Variants in ALDH6A1 observed in about 807,000 individuals in gnomAD.
The protein encoded by ALDH6A1 is aldehyde dehydrogenase 6 family member A1.
A neutral mutation model predicts 62.6 loss-of-function variants in ALDH6A1; 43 were observed. That is an observed-to-expected ratio of 0.69 (90% CI 0.54 to 0.89). The LOEUF (loss-of-function observed/expected upper bound fraction) is 0.89. Among genes scored for constraint, ALDH6A1 ranks in the 40% least tolerant of loss-of-function variants. The pLI, the probability that ALDH6A1 is intolerant of heterozygous loss-of-function variation, is 0.00. For synonymous variants in ALDH6A1, 194 were observed against 234.2 expected, an observed-to-expected ratio of 0.83 and a Z score of 1.57; for missense variants, 551 against 661.3, an observed-to-expected ratio of 0.83 and a Z score of 1.83.
At chr14:74,062,051 G>GGAA (rs1176468419) in intron 11 of ALDH6A1, among the ~76,000 whole-genome samples, 12 of 59,614 alleles carry the variant, frequency 2.0e-4, no homozygotes, top group South Asian at 2.0e-3. Context: ...TCTCTACTGG[G>GGAA]AAAAAAAAAA....
rs1246329558 is a variant in ALDH6A1 at position 74,084,341 on chromosome 14, A to C, written c.48+6T>G. Reference sequence around the variant, plus strand: ...TTCATGGTGCCTTGGCACCACCCTCACTCGCCTGCAGGATCCGGGCTCGCA... The same window carrying C: ...TTCATGGTGCCTTGGCACCACCCTCCCTCGCCTGCAGGATCCGGGCTCGCA... On this transcript the variant is annotated splice_donor_region_variant and intron_variant, in intron 1 of 11. Transcript: ENST00000553458. The C allele has an allele frequency of 6.2e-7, 1 of 1,613,572 alleles. No individual in the cohort carries two copies. Among genetic ancestry groups the C allele is most frequent in the Non-Finnish European group, 8.5e-7 (1 of 1,179,894 alleles).
rs1333285646 is a variant in ALDH6A1 at position 74,060,448 on chromosome 14, T to G, written c.*194A>C. On this transcript the variant is annotated 3_prime_UTR_variant, in exon 12 of 12. Transcript: ENST00000553458. ...TCAAAATAGAAGTATGAAGAGCAAG[T>G]GAGAAATCTGGTTTCATTGTTACAC... is the stretch of plus-strand genomic sequence containing the variant. 3.3e-6 allele frequency: 2 copies of G among 598,550 alleles called. No individual in the cohort carries two copies. The highest frequency in any genetic ancestry group is 6.0e-6 in the Non-Finnish European group (2 of 332,062). 37.1% of individuals were successfully genotyped at this position (598,550 alleles called of 1,614,324 possible).
chr14:74,065,065 G>C, intron 10 of ALDH6A1, 116 bp downstream of exon 10: 1 of 1,404,410 alleles, frequency 7.1e-7, no homozygotes. Flanking sequence ...GAAGAAATGG[G>C]GCAATGTGGG....
At chr14:74,072,505 A>G (rs2060563921) in intron 3 of ALDH6A1, 32 bp downstream of exon 3, 2 of 1,614,014 alleles carry the variant, frequency 1.2e-6, no homozygotes, top group African/African-American at 1.3e-5. Context: ...TTCTAGGCTC[A>G]TAAGTTGAAG....
chr14:74,060,316 A>C lies in ALDH6A1; in HGVS notation c.*326T>G, dbSNP rs1301113744. Reference sequence around the variant, plus strand: ...CGCCTGGCTGGAACATTTTCTTTACATACACTGGCTTTTCTCCCCTTCAAA... The same window carrying C: ...CGCCTGGCTGGAACATTTTCTTTACCTACACTGGCTTTTCTCCCCTTCAAA... On this transcript the variant is annotated 3_prime_UTR_variant, in exon 12 of 12. Transcript: ENST00000553458. The C allele has an allele frequency of 9.5e-6, 3 of 315,852 alleles. No individual in the cohort carries two copies. The highest frequency in any genetic ancestry group is 3.2e-5 in the South Asian group (1 of 30,924). The allele number at this position is 315,852 out of a possible 1,614,324, so 19.6% of individuals were successfully genotyped here. A position where few individuals can be genotyped will look rare whatever the true frequency, so the allele number is the denominator to read the frequency against.
chr14:74,060,543 CAA>C lies in ALDH6A1; in HGVS notation c.*97_*98del, dbSNP rs2060316266. 4.4e-6 allele frequency: 4 copies of C among 918,594 alleles called. No individual in the cohort carries two copies. Among genetic ancestry groups the C allele is most frequent in the Middle Eastern group, 2.1e-4 (1 of 4,740 alleles). 56.9% of individuals were successfully genotyped at this position (918,594 alleles called of 1,614,324 possible). On this transcript the variant is annotated 3_prime_UTR_variant, in exon 12 of 12. Coordinates refer to ENST00000553458, the MANE Select transcript of ALDH6A1 (RefSeq NM_005589.4). ...GGAAGATTTTAGTTACAATGTATTC[CAA>C]TCCCATCGATCTGATCTGAGCAAAG...
intron 4 of ALDH6A1, 69 bp downstream of exon 4, chr14:74,072,134 G>C: frequency 6.2e-7 from 1 of 1,610,246 alleles, no homozygotes; most frequent in Non-Finnish European, 8.5e-7. Flanking sequence ...TGGCTGAAAA[G>C]GTCTCTGTGA....
In ALDH6A1 at chr14:74,057,293, T is replaced by C. The variant is rs1429525749; in HGVS notation, c.*3349A>G. 8 of 1,613,854 alleles carry C rather than the reference T, an allele frequency of 5.0e-6. No homozygotes were observed. The highest frequency in any genetic ancestry group is 6.8e-6 in the Non-Finnish European group (8 of 1,179,906). ...CTGTATCTAATCAAACAATGTATATTGTTGTCACCCTTCCCCATGTCGCTT... is the reference window on the plus strand; with the variant it reads ...CTGTATCTAATCAAACAATGTATATCGTTGTCACCCTTCCCCATGTCGCTT... On this transcript the variant is annotated 3_prime_UTR_variant, in exon 12 of 12. Transcript: ENST00000553458.
intron 6 of ALDH6A1, 175 bp downstream of exon 6, chr14:74,071,020 A>C: frequency 1.5e-6 from 1 of 688,134 alleles, no homozygotes; most frequent in East Asian, 2.6e-5. Flanking sequence ...GCTATTCCCC[A>C]ATCAGTTACC....
chr14:74,069,212 C>A, intron 6 of ALDH6A1: 2 of 405,262 alleles, frequency 4.9e-6, no homozygotes, highest in South Asian at 4.3e-5. Flanking sequence ...TCAAGCAATT[C>A]TCTGCCTCAG....
intron 9 of ALDH6A1, chr14:74,065,608 T>C (rs1287419124): frequency 4.0e-6 from 2 of 495,798 alleles, no homozygotes; most frequent in African/African-American, 1.9e-5. Context: ...TTTAAGGGAC[T>C]GTATCTTTAG....
chr14:74,071,307 G>A lies in ALDH6A1; in HGVS notation c.618C>T (p.Phe206=). Residue 206 remains phenylalanine (F), a synonymous_variant, in exon 6 of 12, where the codon TTC becomes TTT. Coordinates refer to ENST00000553458, the MANE Select transcript of ALDH6A1 (RefSeq NM_005589.4). ...FPMAMVCGNT[F]LMKPSERVPG... is the part of the protein sequence containing the mutation. ...GGACTCGCTCAGATGGTTTCATTAG[G>A]AAGGTATTTCCACACACCATGGCCA... 6.2e-7 allele frequency: 1 copy of A among 1,614,192 alleles called. No individual in the cohort carries two copies. Among genetic ancestry groups the A allele is most frequent in the East Asian group, 2.2e-5 (1 of 44,890 alleles).
At chr14:74,067,354 A>G in intron 8 of ALDH6A1, 26 bp downstream of exon 8, 1 of 1,612,042 alleles carries the variant, frequency 6.2e-7, no homozygotes. Flanking sequence ...GCAAAATCTA[A>G]GGGGGCAAGT....
chr14:74,060,617 G>C lies in ALDH6A1; in HGVS notation c.*25C>G, dbSNP rs1323293448. 2.7e-6 allele frequency: 4 copies of C among 1,476,220 alleles called. No individual in the cohort carries two copies. Among genetic ancestry groups the C allele is most frequent in the African/African-American group, 1.4e-5 (1 of 71,966 alleles). The allele number at this position is 1,476,220 out of a possible 1,614,324, so 91.4% of individuals were successfully genotyped here. A position where few individuals can be genotyped will look rare whatever the true frequency, so the allele number is the denominator to read the frequency against. ...AAATAAAGGGAGATTACTCAGGATG[G>C]AGTCAGTCTTAAACAAACTTGTTTC... On this transcript the variant is annotated 3_prime_UTR_variant, in exon 12 of 12. Transcript: ENST00000553458.
In ALDH6A1 at chr14:74,075,877, T is replaced by A. The variant is rs148605606; in HGVS notation, c.49-860A>T. Among the ~76,000 whole-genome samples, 26 of 152,278 alleles carry A rather than the reference T, an allele frequency of 1.7e-4. No homozygotes were observed. In the East Asian group the frequency reaches 4.6e-3, roughly 27 times the overall value. ...TAAGGAAACTAATGTGGTATATTCA[T>A]ACACTGGAATACTACTCAGCAAAAA... On this transcript the variant is annotated intron_variant, in intron 1 of 11. Transcript: ENST00000553458.
rs367863044 is a variant in ALDH6A1, at chr14:74,060,647, G to T, written c.1603C>A (p.Arg535Ser). Residue 535 changes from arginine to serine, a missense_variant, in exon 12 of 12, where the codon CGT becomes AGT. Arg to Ser is a moderately radical substitution (Grantham distance 110). Transcript: ENST00000553458. ...AGTCTTAAACAAACTTGTTTCTAACGGCCCATGGTAGGCATGACAACAGCA... is the reference window on the plus strand; with the variant it reads ...AGTCTTAAACAAACTTGTTTCTAACTGCCCATGGTAGGCATGACAACAGCA... ...SPAVVMPTMG[R>S] The T allele has an allele frequency of 1.2e-6, 2 of 1,607,144 alleles. No homozygotes were observed. Among genetic ancestry groups the T allele is most frequent in the Admixed American group, 1.7e-5 (1 of 59,984 alleles).
intron 6 of ALDH6A1, among the ~76,000 whole-genome samples, chr14:74,070,075 A>G (rs2060528310): frequency 6.6e-6 from 1 of 151,876 alleles, no homozygotes. Flanking sequence ...TCCTGGGCTC[A>G]AGTGATCCGC....
In ALDH6A1 at chr14:74,066,900, C is replaced by G. The variant is rs1371669307; in HGVS notation, c.1043-14G>C. On this transcript the variant is annotated splice_polypyrimidine_tract_variant and intron_variant, in intron 8 of 11. Transcript: ENST00000553458. The stretch of plus-strand genomic sequence containing the variant: ...CAGGCTGATCTCCTGTAAAACAACA[C>G]AGAAGAATTTAAGGTCCTCATTAAC... 6.2e-7 allele frequency: 1 copy of G among 1,612,252 alleles called. No individual in the cohort carries two copies. The highest frequency in any genetic ancestry group is 1.3e-5 in the African/African-American group (1 of 74,888).
chr14:74,062,027 A>T (rs2060353371), intron 11 of ALDH6A1, among the ~76,000 whole-genome samples: 1 of 139,312 alleles, frequency 7.2e-6, no homozygotes, highest in Admixed American at 7.7e-5. Flanking sequence ...CTGGCCCAAC[A>T]TGGCGAAACC....
Sources: gnomAD v4.1 joint callset for allele counts (sites outside exome capture counted in the v4.1 genomes callset) on GRCh38, gnomAD v4.1.1 for gene constraint, MANE v1.5 for transcripts, NCBI Gene and HGNC (gene_info 2026-07-23, HGNC 2026-07-21) for gene names.